ZMYM2: variants seen among roughly 807,000 people sequenced by gnomAD.
ZMYM2 encodes the protein zinc finger MYM-type protein 2.
ZMYM2 carries 56 observed loss-of-function variants against 162.8 expected under a neutral mutation model. The observed-to-expected ratio is 0.34, with a 90% CI of 0.28 to 0.43. The LOEUF is 0.43. Among genes scored for constraint, ZMYM2 ranks in the 20% least tolerant of loss-of-function variants. The pLI is 1.00. For synonymous variants in ZMYM2, 510 were observed against 541.6 expected (o/e 0.94, Z 0.81); for missense variants, 1,275 against 1,621.8 (o/e 0.79, Z 3.67).
the ZMYM2 span, among the ~76,000 whole-genome samples, chr13:19,951,895 A>G: frequency 6.6e-6 from 1 of 152,138 alleles, no homozygotes; most frequent in Non-Finnish European, 1.5e-5. Flanking sequence ...GTATATACCC[A>G]AAGGAAATGA....
chr13:19,901,800 G>C, the ZMYM2 span, among the ~76,000 whole-genome samples: 1 of 151,766 alleles, frequency 6.6e-6, no homozygotes, highest in Non-Finnish European at 1.5e-5. Flanking sequence ...AAGGAGCTGG[G>C]GTCTCAATCT....
At chr13:20,030,838 T>C (rs1953064440) in intron 9 of ZMYM2, among the ~76,000 whole-genome samples, 1 of 152,126 alleles carries the variant, frequency 6.6e-6, no homozygotes, top group Admixed American at 6.6e-5. Flanking sequence ...CTGGCCAACA[T>C]AGGCCTATTT....
chr13:19,918,495 C>CTTTTTTTTTTTTTTTTTTT, the ZMYM2 span, among the ~76,000 whole-genome samples: 22 of 107,492 alleles, frequency 2.0e-4, no homozygotes, highest in East Asian at 2.8e-4. Flanking sequence ...TTCTTTCTTT[C>CTTTTTTTTTTTTTTTTTTT]TTTTTTTTTT....
chr13:19,965,854 A>G (rs1159365254), intron 2 of ZMYM2, among the ~76,000 whole-genome samples: 2 of 145,608 alleles, frequency 1.4e-5, no homozygotes, highest in Non-Finnish European at 1.5e-5. Context: ...GCTCACTGCA[A>G]CCTCCGCCTC....
the ZMYM2 span, among the ~76,000 whole-genome samples, chr13:19,903,672 C>A: frequency 6.6e-6 from 1 of 151,440 alleles, no homozygotes; most frequent in Non-Finnish European, 1.5e-5. Context: ...GAGTTCAAGA[C>A]TAGCCGGGCA....
Position 20,086,505 on chromosome 13 carries a change from T to C in ZMYM2, c.*491T>C. 1 of 217,588 alleles carries C rather than the reference T, an allele frequency of 4.6e-6. No homozygotes were observed. 13.5% of individuals were successfully genotyped at this position (217,588 alleles called of 1,614,324 possible). On this transcript the variant is annotated 3_prime_UTR_variant, in exon 25 of 25. Transcript: ENST00000610343. ...CTAATAGGCTGGGGTTTTTGTTTTGTTTTGGGGTTTTGTTTTGTTTGGTTT... is the reference window on the plus strand; with the variant it reads ...CTAATAGGCTGGGGTTTTTGTTTTGCTTTGGGGTTTTGTTTTGTTTGGTTT...
intron 4 of ZMYM2, among the ~76,000 whole-genome samples, chr13:20,003,402 A>G (rs1169254736): frequency 2.0e-5 from 3 of 152,220 alleles, no homozygotes; most frequent in African/African-American, 4.8e-5. Context: ...ATTAGTTCTT[A>G]TAGCCAAATA....
chr13:19,872,856 G>A, the ZMYM2 span, among the ~76,000 whole-genome samples: 1 of 151,598 alleles, frequency 6.6e-6, no homozygotes, highest in Admixed American at 6.6e-5. Context: ...AAAATTAGCT[G>A]GGCATGGTGG....
intron 13 of ZMYM2, 26 bp downstream of exon 13, chr13:20,051,624 T>G: frequency 1.3e-6 from 2 of 1,594,462 alleles, no homozygotes; most frequent in Non-Finnish European, 1.7e-6. Flanking sequence ...GGTGATAACT[T>G]GAAAACCCTG....
the ZMYM2 span, among the ~76,000 whole-genome samples, chr13:19,932,521 C>T: frequency 4.1e-4 from 62 of 151,918 alleles, no homozygotes; most frequent in African/African-American, 1.3e-3. Context: ...TGGTGGTGCG[C>T]GCCTGTAATC....
intron 6 of ZMYM2, among the ~76,000 whole-genome samples, chr13:20,010,888 C>T (rs1244628784): frequency 2.0e-5 from 3 of 152,198 alleles, no homozygotes; most frequent in Admixed American, 6.5e-5. Flanking sequence ...ATCTGCCCGC[C>T]TCGGCCTCCC....
chr13:20,006,808 A>G (rs1015914707), intron 6 of ZMYM2, among the ~76,000 whole-genome samples: 1 of 152,176 alleles, frequency 6.6e-6, no homozygotes, highest in African/African-American at 2.4e-5. Flanking sequence ...CATTTGAGGT[A>G]GGTCATTTCC....
intron 14 of ZMYM2, among the ~76,000 whole-genome samples, chr13:20,052,730 A>G (rs1955476921): frequency 1.3e-5 from 2 of 152,220 alleles, no homozygotes; most frequent in South Asian, 4.1e-4. Flanking sequence ...TGAGTAGAAG[A>G]TTGCCAGATA....
intron 4 of ZMYM2, among the ~76,000 whole-genome samples, chr13:20,003,345 T>C (rs2139917232): frequency 6.6e-6 from 1 of 152,308 alleles, no homozygotes; most frequent in Middle Eastern, 3.4e-3. Context: ...ATTGGACTCT[T>C]TGATTTTGTA....
chr13:20,003,736 C>T (rs1950551969), intron 4 of ZMYM2, among the ~76,000 whole-genome samples: 2 of 151,876 alleles, frequency 1.3e-5, no homozygotes, highest in African/African-American at 4.8e-5. Flanking sequence ...GGGTCCTCCA[C>T]CTCCTGGGTT....
At chr13:19,982,696 T>C (rs1166134662) in intron 2 of ZMYM2, among the ~76,000 whole-genome samples, 4 of 152,232 alleles carry the variant, frequency 2.6e-5, no homozygotes, top group Non-Finnish European at 5.9e-5. Flanking sequence ...CTCATTCCTC[T>C]GCAAATTGTT....
intron 12 of ZMYM2, among the ~76,000 whole-genome samples, chr13:20,048,876 T>C (rs1156899632): frequency 6.6e-6 from 1 of 151,158 alleles, no homozygotes; most frequent in Admixed American, 6.6e-5. Context: ...AACCACAAAA[T>C]AGATGATGCA....
At chr13:20,074,316 C>G (rs2140964749) in intron 21 of ZMYM2, among the ~76,000 whole-genome samples, 1 of 151,872 alleles carries the variant, frequency 6.6e-6, no homozygotes, top group South Asian at 2.1e-4. Flanking sequence ...AGTATACCCT[C>G]AACCTCCCAG....
At position 20,064,601 on chromosome 13, in the gene ZMYM2, C is replaced by T. The variant is rs1285654804; in HGVS notation, c.3132+56C>T. The T allele has an allele frequency of 1.2e-5, 17 of 1,362,498 alleles. 1 individual carries two copies. Among genetic ancestry groups the T allele is most frequent in the Non-Finnish European group, 1.7e-5 (17 of 1,029,858 alleles). The allele number at this position is 1,362,498 out of a possible 1,614,324, so 84.4% of individuals were successfully genotyped here. On this transcript the variant is annotated intron_variant, in intron 19 of 24. Coordinates refer to ENST00000610343, the MANE Select transcript of ZMYM2 (RefSeq NM_197968.4). ...ATTTCTCTATAGGCAAACAAGGATA[C>T]AGTGTTCTTTTAGTGTGCCTGAGAA... is the stretch of plus-strand genomic sequence containing the variant.
Sources: gnomAD v4.1 joint callset for allele counts (sites outside exome capture counted in the v4.1 genomes callset) on GRCh38, gnomAD v4.1.1 for gene constraint, MANE v1.5 for transcripts, NCBI Gene and HGNC (gene_info 2026-07-23, HGNC 2026-07-21) for gene names.